IL1RAPL1: variants seen among roughly 807,000 people sequenced by gnomAD.
IL1RAPL1 encodes the protein interleukin-1 receptor accessory protein-like 1.
A neutral mutation model predicts 48.4 loss-of-function variants in IL1RAPL1; 3 were observed. The ratio of observed to expected loss-of-function variants is 0.06; its 90% CI spans 0.03 to 0.16. The LOEUF is 0.16. Among genes scored for constraint, IL1RAPL1 ranks in the 10% least tolerant of loss-of-function variants. The pLI is 1.00. For synonymous variants in IL1RAPL1, 185 were observed against 187.7 expected (o/e 0.99, Z 0.12); for missense variants, 349 against 530.6 (o/e 0.66, Z 3.36).
intron 6 of IL1RAPL1, among the ~76,000 whole-genome samples, chrX:29,722,760 G>T (rs1454701326): frequency 9.0e-6 from 1 of 111,254 alleles, no homozygotes; most frequent in Non-Finnish European, 1.9e-5. Flanking sequence ...AGACTATTTT[G>T]GCATGAGTCT....
intron 2 of IL1RAPL1, among the ~76,000 whole-genome samples, chrX:28,977,130 C>T (rs2147372342): frequency 8.9e-6 from 1 of 112,338 alleles, no homozygotes; most frequent in South Asian, 3.7e-4. Context: ...GCTTATTTGT[C>T]AAAGGTGAAA....
chrX:29,231,365 C>G (rs1428542994), intron 2 of IL1RAPL1, among the ~76,000 whole-genome samples: 2 of 111,451 alleles, frequency 1.8e-5, no homozygotes, highest in Non-Finnish European at 3.8e-5. Flanking sequence ...AGCACCCACC[C>G]CGCTGAGTTC....
chrX:29,777,743 A>G (rs994144822), intron 6 of IL1RAPL1, among the ~76,000 whole-genome samples: 2 of 110,844 alleles, frequency 1.8e-5, no homozygotes, highest in African/African-American at 6.5e-5. Context: ...AGTACATCCT[A>G]ATGAGAGTTA....
At chrX:28,814,389 G>GTGTA (rs1445851331) in intron 2 of IL1RAPL1, among the ~76,000 whole-genome samples, 1 of 107,482 alleles carries the variant, frequency 9.3e-6, no homozygotes, top group African/African-American at 3.4e-5. Flanking sequence ...GTATGTGTAT[G>GTGTA]TGTGTGTGTG....
chrX:29,795,361 C>T (rs1027565453), intron 6 of IL1RAPL1, among the ~76,000 whole-genome samples: 2 of 112,037 alleles, frequency 1.8e-5, no homozygotes, highest in Admixed American at 9.4e-5. Flanking sequence ...CATATAAACT[C>T]TCAGATACTC....
intron 6 of IL1RAPL1, among the ~76,000 whole-genome samples, chrX:29,911,717 G>A (rs766288021): frequency 1.8e-5 from 2 of 111,817 alleles, no homozygotes; most frequent in Admixed American, 1.9e-4. Flanking sequence ...CTTGATGTTT[G>A]TGCTATTCCC....
intron 1 of IL1RAPL1, among the ~76,000 whole-genome samples, chrX:28,732,126 TAGGTC>T (rs1935762680): frequency 1.8e-5 from 2 of 111,949 alleles, no homozygotes; most frequent in African/African-American, 6.5e-5. Context: ...AGAGGGGAAG[TAGGTC>T]AAGAGGCCTG....
At chrX:29,365,879 A>G (rs1424095735) in intron 3 of IL1RAPL1, among the ~76,000 whole-genome samples, 1 of 108,851 alleles carries the variant, frequency 9.2e-6, no homozygotes, top group Non-Finnish European at 1.9e-5. Context: ...CATCTCTACT[A>G]AAAATACAAA....
chrX:29,761,941 G>A (rs1035270581), intron 6 of IL1RAPL1, among the ~76,000 whole-genome samples: 2 of 111,819 alleles, frequency 1.8e-5, no homozygotes, highest in Admixed American at 1.9e-4. Context: ...CACTGAATTC[G>A]TTCTTGAGAA....
At chrX:29,003,389 T>C (rs969357517) in intron 2 of IL1RAPL1, among the ~76,000 whole-genome samples, 2 of 111,213 alleles carry the variant, frequency 1.8e-5, no homozygotes, top group Non-Finnish European at 1.9e-5. Context: ...AAGGGAAGGG[T>C]TTTATGGTTG....
intron 6 of IL1RAPL1, among the ~76,000 whole-genome samples, chrX:29,754,422 C>T (rs1928562732): frequency 9.2e-6 from 1 of 109,106 alleles, no homozygotes; most frequent in South Asian, 3.9e-4. Flanking sequence ...TCTTTCCCCA[C>T]TACCCTGACT....
chrX:28,904,325 T>A (rs1055646660), intron 2 of IL1RAPL1, among the ~76,000 whole-genome samples: 2 of 111,759 alleles, frequency 1.8e-5, no homozygotes, highest in African/African-American at 6.5e-5. Flanking sequence ...TTTCTAGCAT[T>A]CTTAGTTGGA....
intron 6 of IL1RAPL1, among the ~76,000 whole-genome samples, chrX:29,851,023 A>G (rs1340441592): frequency 9.0e-6 from 1 of 111,728 alleles, no homozygotes; most frequent in Non-Finnish European, 1.9e-5. Flanking sequence ...ATCTGTCCAG[A>G]TTGCCATGTT....
chrX:28,874,441 A>G (rs192449502), intron 2 of IL1RAPL1, among the ~76,000 whole-genome samples: 30 of 112,262 alleles, frequency 2.7e-4, no homozygotes, highest in African/African-American at 8.4e-4. Flanking sequence ...TGGCTATCAT[A>G]TGTCCCAAAT....
At chrX:28,690,000 C>A (rs1935158195) in intron 1 of IL1RAPL1, among the ~76,000 whole-genome samples, 1 of 112,065 alleles carries the variant, frequency 8.9e-6, no homozygotes, top group Non-Finnish European at 1.9e-5. Context: ...CCTTTCCCTT[C>A]CCTTTTCAAC....
intron 2 of IL1RAPL1, among the ~76,000 whole-genome samples, chrX:28,991,232 C>T (rs1925595983): frequency 8.9e-6 from 1 of 111,798 alleles, no homozygotes. Flanking sequence ...AATATTCATA[C>T]TTTTAAACTA....
intron 6 of IL1RAPL1, among the ~76,000 whole-genome samples, chrX:29,783,150 C>T (rs1476126460): frequency 9.1e-6 from 1 of 109,476 alleles, no homozygotes; most frequent in African/African-American, 3.3e-5. Flanking sequence ...GTGATCCGCC[C>T]GCCTCGGCCT....
At chrX:29,286,899 C>T (rs763823940) in intron 3 of IL1RAPL1, among the ~76,000 whole-genome samples, 85 of 109,783 alleles carry the variant, frequency 7.7e-4, no homozygotes, top group African/African-American at 2.8e-3. Flanking sequence ...GAGATAATTG[C>T]AGGTTCATAT....
At chrX:28,948,400 C>G (rs777829531) in intron 2 of IL1RAPL1, among the ~76,000 whole-genome samples, 7 of 110,481 alleles carry the variant, frequency 6.3e-5, no homozygotes, top group East Asian at 2.9e-4. Context: ...CATTCACTGT[C>G]CCTGATCTGA....
Sources: allele counts gnomAD v4.1 joint callset (sites outside exome capture counted in the v4.1 genomes callset), GRCh38; gene constraint gnomAD v4.1.1; transcripts MANE v1.5; gene names NCBI Gene and HGNC (gene_info 2026-07-23, HGNC 2026-07-21).